Variants in ANKDD1B observed in about 807,000 individuals in gnomAD.
ANKDD1B encodes the protein ankyrin repeat and death domain-containing protein 1B.
In ANKDD1B, 57 loss-of-function variants were observed where a neutral mutation model predicts 59.7. That is an observed-to-expected ratio of 0.95 (90% CI 0.77 to 1.19). The LOEUF is 1.19. Among genes scored for constraint, ANKDD1B ranks in the 50% most tolerant of loss-of-function variants. The pLI, the probability that ANKDD1B is intolerant of heterozygous loss-of-function variation, is 0.00. For synonymous variants in ANKDD1B, 216 were observed against 239.5 expected, an observed-to-expected ratio of 0.90 and a Z score of 0.91; for missense variants, 602 against 641.9, an observed-to-expected ratio of 0.94 and a Z score of 0.67.
chr5:75,645,048 A>G (rs1774602907), intron 7 of ANKDD1B, among the ~76,000 whole-genome samples: 1 of 133,914 alleles, frequency 7.5e-6, no homozygotes, highest in South Asian at 2.1e-4. Context: ...CTTTGAAACC[A>G]ACAAGAACAA....
chr5:75,653,286 G>A, intron 8 of ANKDD1B, 46 bp downstream of exon 8: 1 of 1,401,394 alleles, frequency 7.1e-7, no homozygotes. Context: ...GCGCCGTGAG[G>A]TTGGCTGTGT....
intron 7 of ANKDD1B, among the ~76,000 whole-genome samples, chr5:75,647,394 C>G (rs1390644671): frequency 2.4e-5 from 3 of 127,074 alleles, no homozygotes; most frequent in Non-Finnish European, 3.1e-5. Context: ...TGAATTCAAA[C>G]AAATTTACAA....
At chr5:75,667,908 T>G (rs1185072937) in intron 12 of ANKDD1B, among the ~76,000 whole-genome samples, 1 of 152,218 alleles carries the variant, frequency 6.6e-6, no homozygotes, top group Non-Finnish European at 1.5e-5. Flanking sequence ...ATTATGAGAC[T>G]TTGTATTGCA....
At chr5:75,637,560 T>C (rs1251745441) in intron 7 of ANKDD1B, among the ~76,000 whole-genome samples, 2 of 152,182 alleles carry the variant, frequency 1.3e-5, no homozygotes, top group African/African-American at 4.8e-5. Flanking sequence ...CATTATTTTA[T>C]GTAACACTCA....
chr5:75,647,384 T>A (rs1430900848), intron 7 of ANKDD1B, among the ~76,000 whole-genome samples: 9 of 126,398 alleles, frequency 7.1e-5, no homozygotes, highest in Non-Finnish European at 1.1e-4. Flanking sequence ...GAATCTACAA[T>A]GAATTCAAAC....
Position 75,656,101 on chromosome 5 carries a change from C to G in ANKDD1B, c.970C>G (p.Gln324Glu). The G allele has an allele frequency of 6.6e-7, 1 of 1,523,546 alleles. No individual in the cohort carries two copies. 94.4% of individuals were successfully genotyped at this position (1,523,546 alleles called of 1,614,324 possible). A position where few individuals can be genotyped will look rare whatever the true frequency, so the allele number is the denominator to read the frequency against. Residue 324 changes from glutamine to glutamate, a missense_variant, in exon 9 of 14, where the codon CAG (glutamine) becomes GAG (glutamate). By Grantham distance (29) the Gln-to-Glu change is conservative (BLOSUM62 2). This residue lies in a region of ANKDD1B where 280 missense variants were observed against 319.8 expected (regional missense o/e 0.88). Coordinates refer to ENST00000601380, the MANE Select transcript of ANKDD1B (RefSeq NM_001276713.2). ...GGTTGTAAACAGTTTATTAAGTGCACAGCATGATATTGACATCTTAAATCA... is the reference window on the plus strand; with the variant it reads ...GGTTGTAAACAGTTTATTAAGTGCAGAGCATGATATTGACATCTTAAATCA... ...ITVVNSLLSA[Q>E]HDIDILNQKQ... is the part of the protein sequence containing the mutation.
chr5:75,628,867 T>C (rs551564688), intron 5 of ANKDD1B, among the ~76,000 whole-genome samples: 1 of 152,316 alleles, frequency 6.6e-6, no homozygotes, highest in South Asian at 2.1e-4. Context: ...ATTTTGAATC[T>C]ACATGTAAAT....
At chr5:75,652,043 C>G (rs942824941) in intron 7 of ANKDD1B, among the ~76,000 whole-genome samples, 2 of 152,146 alleles carry the variant, frequency 1.3e-5, no homozygotes, top group Non-Finnish European at 2.9e-5. Flanking sequence ...AGAAAATAAC[C>G]CTGCCTCTTG....
chr5:75,661,853 A>G (rs1775161238), intron 10 of ANKDD1B, among the ~76,000 whole-genome samples: 1 of 150,078 alleles, frequency 6.7e-6, no homozygotes, highest in Non-Finnish European at 1.5e-5. Flanking sequence ...CACCCAATAC[A>G]TAGTTAATAA....
intron 1 of ANKDD1B, among the ~76,000 whole-genome samples, chr5:75,613,799 A>T (rs1773638341): frequency 6.6e-6 from 1 of 152,122 alleles, no homozygotes; most frequent in African/African-American, 2.4e-5. Context: ...GCAGCAATAA[A>T]TGACTCCTAC....
At position 75,671,166 on chromosome 5, in the gene ANKDD1B, A is replaced by G. The variant is rs1166089800; in HGVS notation, c.*126A>G. ...GATGGTGGTGACAGGGAACTCTAAC[A>G]GATGAAAGAAGAGTAATACCATGAT... On this transcript the variant is annotated 3_prime_UTR_variant, in exon 14 of 14. Coordinates refer to ENST00000601380, the MANE Select transcript of ANKDD1B (RefSeq NM_001276713.2). The G allele has an allele frequency of 1.2e-5, 5 of 411,282 alleles. No homozygotes were observed. Among genetic ancestry groups the G allele is most frequent in the Non-Finnish European group, 2.1e-5 (5 of 240,252 alleles). The allele number at this position is 411,282 out of a possible 1,614,324, so 25.5% of individuals were successfully genotyped here. A position where few individuals can be genotyped will look rare whatever the true frequency, so the allele number is the denominator to read the frequency against.
intron 7 of ANKDD1B, among the ~76,000 whole-genome samples, chr5:75,651,343 C>A (rs1253259015): frequency 3.3e-5 from 5 of 152,222 alleles, no homozygotes. Flanking sequence ...AATCAGTCAA[C>A]AACCAATTCA....
At chr5:75,649,184 CTT>C (rs35027297) in intron 7 of ANKDD1B, among the ~76,000 whole-genome samples, 6,145 of 125,846 alleles carry the variant, frequency 0.049, 425 homozygotes, top group African/African-American at 0.16. Flanking sequence ...TTCCTCTTTA[CTT>C]TTTTTTTTTT....
At chr5:75,617,040 T>C in intron 2 of ANKDD1B, 133 bp downstream of exon 2, 2 of 505,338 alleles carry the variant, frequency 4.0e-6, no homozygotes, top group Non-Finnish European at 7.0e-6. Flanking sequence ...TTGTTGGTAA[T>C]CCCGGGGTGT....
At chr5:75,614,360 T>A (rs1245977345) in intron 1 of ANKDD1B, among the ~76,000 whole-genome samples, 1 of 152,216 alleles carries the variant, frequency 6.6e-6, no homozygotes, top group Non-Finnish European at 1.5e-5. Flanking sequence ...ACCATTGCTT[T>A]CTTCCAAGGC....
intron 9 of ANKDD1B, among the ~76,000 whole-genome samples, chr5:75,657,749 A>G (rs2112010778): frequency 6.6e-6 from 1 of 152,198 alleles, no homozygotes; most frequent in East Asian, 1.9e-4. Flanking sequence ...TCTACTAAAA[A>G]TGCAAAAAAT....
rs534392284 is a variant in ANKDD1B, at chr5:75,666,984, C to T, written c.1384C>T (p.Gln462Ter). ...TGACCAGATTAGAGCCATTGAGGAG[C>T]AGTGGTCGGGTGAGTACAGACTAGA... ...TDDQIRAIEE[Q>*]WSGNESFREH... The change falls in exon 12 of 14, where the codon CAG becomes TAG. Residue 462 changes from glutamine to a stop codon, truncating the protein, a stop_gained. Coordinates refer to ENST00000601380, the MANE Select transcript of ANKDD1B (RefSeq NM_001276713.2). LOFTEE classifies it high-confidence loss of function. 600 of 1,477,880 alleles carry T rather than the reference C, an allele frequency of 4.1e-4. 7 individuals are homozygous for T. In the Middle Eastern group the frequency reaches 6.7e-3, roughly 17 times the overall value. 91.5% of individuals were successfully genotyped at this position (1,477,880 alleles called of 1,614,324 possible). A position where few individuals can be genotyped will look rare whatever the true frequency, so the allele number is the denominator to read the frequency against.
intron 8 of ANKDD1B, among the ~76,000 whole-genome samples, chr5:75,655,532 C>T (rs1247642295): frequency 2.0e-5 from 3 of 152,224 alleles, no homozygotes; most frequent in Non-Finnish European, 2.9e-5. Flanking sequence ...GTGGTTCAGC[C>T]TATTTAACAC....
At chr5:75,637,270 A>AAAAAAAAAAAAAAAAAAAAAAAAAAAAG (rs1561439319) in intron 7 of ANKDD1B, among the ~76,000 whole-genome samples, 2 of 141,892 alleles carry the variant, frequency 1.4e-5, no homozygotes, top group African/African-American at 2.8e-5. Flanking sequence ...AAAAAAAAAA[A>AAAAAAAAAAAAAAAAAAAAAAAAAAAAG]AAAGAAAGAA....
Sources: gnomAD v4.1 joint callset for allele counts (sites outside exome capture counted in the v4.1 genomes callset) on GRCh38, gnomAD v4.1.1 for gene constraint, gnomAD v4.1.1 regional missense constraint, MANE v1.5 for transcripts, NCBI Gene and HGNC (gene_info 2026-07-23, HGNC 2026-07-21) for gene names.